DYSF: variants seen among roughly 807,000 people sequenced by gnomAD.
The protein encoded by DYSF is dysferlin.
In DYSF, 212 loss-of-function variants were observed where a neutral mutation model predicts 274.9. The observed-to-expected ratio is 0.77, with a 90% CI of 0.69 to 0.86. The LOEUF is 0.86. DYSF is among the 40% of genes least tolerant of loss of function. The probability of loss-of-function intolerance (pLI) is 0.00; values close to 1 mark genes in which losing one functional copy is unlikely to be tolerated. For missense variants in DYSF, 2,666 were observed against 2,783.2 expected (o/e 0.96, Z 0.95); for synonymous variants, 1,091 against 1,078.7 (o/e 1.01, Z -0.22).
intron 32 of DYSF, among the ~76,000 whole-genome samples, chr2:71,592,420 T>G (rs2093293778): frequency 6.6e-6 from 1 of 152,210 alleles, no homozygotes; most frequent in African/African-American, 2.4e-5. Context: ...AAGGCCCGAT[T>G]GAGCAGCTGC....
chr2:71,503,286 C>G lies in DYSF; in HGVS notation c.312C>G (p.Ala104=), dbSNP rs750834799. The G allele has an allele frequency of 1.6e-5, 26 of 1,614,016 alleles. No individual in the cohort carries two copies. The highest frequency in any genetic ancestry group is 2.1e-5 in the Non-Finnish European group (25 of 1,180,012). Residue 104 remains alanine (A), a synonymous_variant, in exon 4 of 56, where the codon GCC becomes GCG. Coordinates refer to ENST00000410020, the MANE Select transcript of DYSF (RefSeq NM_001130987.2). ...CTAGTCTGTCCGCCAGCTTCAATGC[C>G]CCCCTGCTGGACACCAAGAAGCAGC... ...ATPSLSASFN[A]PLLDTKKQPT... is the part of the protein sequence containing the mutation.
chr2:71,544,246 A>G (rs1318376325), intron 17 of DYSF, among the ~76,000 whole-genome samples: 1 of 152,008 alleles, frequency 6.6e-6, no homozygotes, highest in Non-Finnish European at 1.5e-5. Flanking sequence ...CAGTGTTGGT[A>G]TCTCTCACAG....
intron 12 of DYSF, among the ~76,000 whole-genome samples, chr2:71,523,357 G>C (rs1486702271): frequency 6.6e-6 from 1 of 152,128 alleles, no homozygotes; most frequent in African/African-American, 2.4e-5. Flanking sequence ...CTAACTACGA[G>C]GGAGCCTGGG....
intron 1 of DYSF, among the ~76,000 whole-genome samples, chr2:71,474,765 G>A (rs1026476109): frequency 3.9e-5 from 6 of 152,186 alleles, no homozygotes; most frequent in African/African-American, 1.4e-4. Context: ...AGGGAAGGTA[G>A]GAAGTGGAAA....
chr2:71,631,960 A>G (rs2094322103), intron 41 of DYSF, among the ~76,000 whole-genome samples: 1 of 151,878 alleles, frequency 6.6e-6, no homozygotes, highest in Admixed American at 6.6e-5. Flanking sequence ...CCTCCACCTC[A>G]TCCTGACATA....
chr2:71,668,211 T>C (rs1035159148), intron 48 of DYSF, among the ~76,000 whole-genome samples: 3 of 152,228 alleles, frequency 2.0e-5, no homozygotes, highest in Non-Finnish European at 4.4e-5. Flanking sequence ...ACCTAGGTGG[T>C]TTGGCTACCG....
chr2:71,555,474 A>G (rs1213465381), intron 21 of DYSF, among the ~76,000 whole-genome samples: 2 of 152,144 alleles, frequency 1.3e-5, no homozygotes, highest in Non-Finnish European at 1.5e-5. Flanking sequence ...GGGAGTGAGC[A>G]GGCCACAGGA....
At chr2:71,522,579 GTC>G (rs1201171888) in intron 12 of DYSF, among the ~76,000 whole-genome samples, 1 of 152,056 alleles carries the variant, frequency 6.6e-6, no homozygotes, top group African/African-American at 2.4e-5. Flanking sequence ...TGAGGAGTCC[GTC>G]TCTTTCAGAC....
At chr2:71,662,073 C>T (rs1333503350) in intron 45 of DYSF, among the ~76,000 whole-genome samples, 1 of 152,150 alleles carries the variant, frequency 6.6e-6, no homozygotes, top group East Asian at 1.9e-4. Flanking sequence ...CAGGAACACA[C>T]CCCTCCCATG....
At chr2:71,636,555 G>A (rs1306722741) in intron 41 of DYSF, among the ~76,000 whole-genome samples, 1 of 152,160 alleles carries the variant, frequency 6.6e-6, no homozygotes, top group Non-Finnish European at 1.5e-5. Context: ...AAGGATGTGG[G>A]AGGAGCAGAC....
chr2:71,531,390 G>A (rs941435927), intron 14 of DYSF, among the ~76,000 whole-genome samples: 1 of 152,070 alleles, frequency 6.6e-6, no homozygotes, highest in South Asian at 2.1e-4. Context: ...ATGATTTGTG[G>A]ACACTTTCAG....
intron 30 of DYSF, among the ~76,000 whole-genome samples, chr2:71,586,623 G>A (rs531802460): frequency 9.9e-5 from 15 of 152,258 alleles, no homozygotes; most frequent in African/African-American, 3.6e-4. Context: ...CCTGCCCTTG[G>A]ACAGAGACCC....
At chr2:71,606,087 G>A (rs2093641884) in intron 36 of DYSF, among the ~76,000 whole-genome samples, 1 of 152,146 alleles carries the variant, frequency 6.6e-6, no homozygotes, top group Non-Finnish European at 1.5e-5. Flanking sequence ...CCCTGGGAGC[G>A]ACTCCTGTCT....
At chr2:71,593,598 T>G (rs1400000503) in intron 32 of DYSF, among the ~76,000 whole-genome samples, 1 of 152,146 alleles carries the variant, frequency 6.6e-6, no homozygotes, top group African/African-American at 2.4e-5. Flanking sequence ...TGGTGTGGAG[T>G]GGGTAGCATT....
intron 14 of DYSF, among the ~76,000 whole-genome samples, 159 bp downstream of exon 14, chr2:71,528,560 C>T (rs925591117): frequency 3.9e-5 from 6 of 152,036 alleles, no homozygotes; most frequent in African/African-American, 1.4e-4. Flanking sequence ...CCACATAGGC[C>T]CAGCTCTCAG....
chr2:71,646,693 A>G (rs1336831168), intron 42 of DYSF, among the ~76,000 whole-genome samples: 6 of 152,146 alleles, frequency 3.9e-5, no homozygotes, highest in Non-Finnish European at 7.3e-5. Flanking sequence ...AAAAACAGAA[A>G]CCACAGAAAA....
At chr2:71,495,163 A>G (rs4852793) in intron 3 of DYSF, among the ~76,000 whole-genome samples, 146,039 of 152,288 alleles carry the variant, frequency 0.96, 70,070 homozygotes, top group East Asian at 1. Context: ...AGCTCCAACA[A>G]TGCAGGGTGG....
At chr2:71,665,033 A>G in intron 46 of DYSF, 129 bp from the exon 47 acceptor site, 1 of 1,445,714 alleles carries the variant, frequency 6.9e-7, no homozygotes, top group Non-Finnish European at 9.6e-7. Flanking sequence ...GAGCAATCAG[A>G]TGGGACACCC....
chr2:71,540,104 C>CTTTT (rs1240221196), intron 17 of DYSF, among the ~76,000 whole-genome samples: 2 of 146,480 alleles, frequency 1.4e-5, no homozygotes, highest in African/African-American at 5.2e-5. Flanking sequence ...AAGATTTCAA[C>CTTTT]TTTTTTTTTC....
Sources: gnomAD v4.1 joint callset for allele counts (sites outside exome capture counted in the v4.1 genomes callset) on GRCh38, gnomAD v4.1.1 for gene constraint, MANE v1.5 for transcripts, NCBI Gene and HGNC (gene_info 2026-07-23, HGNC 2026-07-21) for gene names.